TCEA1: variants seen among roughly 807,000 people sequenced by gnomAD.
TCEA1 encodes transcription elongation factor A1, also known as transcription elongation factor A protein 1.
A neutral mutation model predicts 43.8 loss-of-function variants in TCEA1; 21 were observed. That is an observed-to-expected ratio of 0.48 (90% confidence interval 0.34 to 0.69). The LOEUF (loss-of-function observed/expected upper bound fraction) is 0.69, where lower values mean the gene tolerates loss of function less well. TCEA1 is among the 30% of genes least tolerant of loss of function. The probability of loss-of-function intolerance (pLI) is 0.01; values close to 1 mark genes in which losing one functional copy is unlikely to be tolerated. For synonymous variants in TCEA1, 104 were observed against 117.5 expected, an observed-to-expected ratio of 0.88 and a Z score of 0.75; for missense variants, 250 against 365.1, an observed-to-expected ratio of 0.68 and a Z score of 2.57.
chr8:54,002,086 T>C (rs975623950), intron 2 of TCEA1, among the ~76,000 whole-genome samples: 2 of 150,920 alleles, frequency 1.3e-5, no homozygotes, highest in Admixed American at 1.3e-4. Context: ...GAAGAATCAC[T>C]TGAACCCAGA....
intron 3 of TCEA1, among the ~76,000 whole-genome samples, chr8:53,996,210 G>C (rs1224329336): frequency 6.6e-6 from 1 of 152,232 alleles, no homozygotes; most frequent in Non-Finnish European, 1.5e-5. Flanking sequence ...AGCAGTAAGA[G>C]GCATGAACAG....
chr8:53,970,085 C>A (rs1184726700), intron 9 of TCEA1, among the ~76,000 whole-genome samples: 1 of 152,042 alleles, frequency 6.6e-6, no homozygotes, highest in African/African-American at 2.4e-5. Context: ...TCTGGAAGTA[C>A]AAGAGTCAAA....
chr8:54,003,044 T>TA, intron 2 of TCEA1: 1 of 456,288 alleles, frequency 2.2e-6, no homozygotes, highest in Non-Finnish European at 4.4e-6. Flanking sequence ...GTCTCCTTTG[T>TA]GATCACTCAT....
chr8:54,015,693 G>A (rs370334636), intron 1 of TCEA1, among the ~76,000 whole-genome samples: 43 of 152,174 alleles, frequency 2.8e-4, no homozygotes, highest in African/African-American at 9.9e-4. Context: ...ACAACCCACA[G>A]AATGGGAGAC....
intron 8 of TCEA1, among the ~76,000 whole-genome samples, chr8:53,970,866 A>T (rs1014416329): frequency 1.3e-5 from 2 of 152,244 alleles, no homozygotes; most frequent in Non-Finnish European, 2.9e-5. Flanking sequence ...CAAATTAAGA[A>T]GATGTAAAAA....
chr8:53,988,942 G>A (rs532062490), intron 4 of TCEA1, among the ~76,000 whole-genome samples: 4 of 152,060 alleles, frequency 2.6e-5, no homozygotes, highest in Admixed American at 6.6e-5. Context: ...GGTGGCACAC[G>A]CCTGTAATCC....
At chr8:54,008,957 C>T (rs1329274174) in intron 2 of TCEA1, among the ~76,000 whole-genome samples, 2 of 150,300 alleles carry the variant, frequency 1.3e-5, no homozygotes, top group Non-Finnish European at 3.0e-5. Flanking sequence ...TCAACTGATT[C>T]TCGTGCCTCA....
At chr8:53,993,604 G>C (rs768736507) in intron 4 of TCEA1, 64 bp downstream of exon 4, 1 of 1,335,942 alleles carries the variant, frequency 7.5e-7, no homozygotes, top group Admixed American at 2.0e-5. Flanking sequence ...ATTAGACAGG[G>C]GAATTGATGC....
chr8:53,999,224 CAAAAAAAAAA>C (rs57357613), intron 3 of TCEA1, among the ~76,000 whole-genome samples: 4 of 64,522 alleles, frequency 6.2e-5, no homozygotes, highest in African/African-American at 2.1e-4. Flanking sequence ...GACTCAGTCT[CAAAAAAAAAA>C]AAAAAAAAAA....
chr8:53,998,954 C>T (rs1271103353), intron 3 of TCEA1, among the ~76,000 whole-genome samples: 5 of 152,124 alleles, frequency 3.3e-5, no homozygotes, highest in African/African-American at 7.2e-5. Flanking sequence ...TGAGGCCAGG[C>T]GAGGTGGCTC....
intron 8 of TCEA1, 138 bp from the exon 9 acceptor site, chr8:53,970,601 A>C (rs73589295): frequency 0.072 from 39,138 of 546,078 alleles, 7,277 homozygotes; most frequent in African/African-American, 0.52. Flanking sequence ...AAACAAGTTC[A>C]AATAAGCTAA....
At chr8:53,971,474 G>A (rs1803154420) in intron 8 of TCEA1, 1 of 152,802 alleles carries the variant, frequency 6.5e-6, no homozygotes, top group Non-Finnish European at 1.5e-5. Context: ...AGCCAGGTGT[G>A]GTGGTGGGCA....
chr8:53,991,865 AAT>A (rs1275610498), intron 4 of TCEA1, among the ~76,000 whole-genome samples: 21 of 151,244 alleles, frequency 1.4e-4, no homozygotes, highest in African/African-American at 5.1e-4. Context: ...TAATATAGTT[AAT>A]ATGTTTAATA....
chr8:54,021,346 C>T (rs1002816522), intron 1 of TCEA1, among the ~76,000 whole-genome samples: 1 of 152,112 alleles, frequency 6.6e-6, no homozygotes, highest in Non-Finnish European at 1.5e-5. Context: ...AAAAAAATGC[C>T]ACCAGTATTA....
chr8:53,969,750 C>T (rs1803101605), intron 9 of TCEA1, among the ~76,000 whole-genome samples: 1 of 152,202 alleles, frequency 6.6e-6, no homozygotes, highest in African/African-American at 2.4e-5. Context: ...CAAACTCACA[C>T]CCTTAACATC....
intron 3 of TCEA1, among the ~76,000 whole-genome samples, chr8:53,999,089 G>T (rs575351502): frequency 6.6e-6 from 1 of 151,806 alleles, no homozygotes; most frequent in African/African-American, 2.4e-5. Context: ...TTAGCTGGGC[G>T]TGGTGGCGGC....
rs1011641092 is a variant in TCEA1 at position 53,991,687 on chromosome 8, T to A, written c.320+1981A>T. Among the ~76,000 whole-genome samples, 9 of 151,450 alleles carry A rather than the reference T, an allele frequency of 5.9e-5. 1 individual carries two copies. The highest frequency in any genetic ancestry group is 2.2e-4 in the African/African-American group (9 of 41,162). ...CCAGCCTGGGCAACAAGAGTGAAACTCTGTCTCAAAAAATAATAATAATAA... is the reference window on the plus strand; with the variant it reads ...CCAGCCTGGGCAACAAGAGTGAAACACTGTCTCAAAAAATAATAATAATAA... On this transcript the variant is annotated intron_variant, in intron 4 of 9. Transcript: ENST00000521604.
chr8:53,992,510 T>C (rs1803913147), intron 4 of TCEA1, among the ~76,000 whole-genome samples: 1 of 152,108 alleles, frequency 6.6e-6, no homozygotes, highest in African/African-American at 2.4e-5. Flanking sequence ...CTTGGGAAGC[T>C]GAGGCAGGAG....
At chr8:53,992,753 A>C (rs547020812) in intron 4 of TCEA1, among the ~76,000 whole-genome samples, 1 of 152,298 alleles carries the variant, frequency 6.6e-6, no homozygotes, top group Admixed American at 6.5e-5. Context: ...GCTTTAAATC[A>C]ATGTTGACTG....
Sources: gnomAD v4.1 joint callset for allele counts (sites outside exome capture counted in the v4.1 genomes callset) on GRCh38, gnomAD v4.1.1 for gene constraint, MANE v1.5 for transcripts, NCBI Gene and HGNC (gene_info 2026-07-23, HGNC 2026-07-21) for gene names.